TXNRD1: variants seen among roughly 807,000 people sequenced by gnomAD.
TXNRD1 encodes thioredoxin reductase 1, also known as thioredoxin reductase 1, cytoplasmic.
A neutral mutation model predicts 80.3 loss-of-function variants in TXNRD1; 57 were observed. The observed-to-expected ratio is 0.71, with a 90% CI of 0.57 to 0.89. TXNRD1 has a LOEUF of 0.89. Among genes scored for constraint, TXNRD1 ranks in the 40% least tolerant of loss-of-function variants. TXNRD1 has a pLI of 0.00. For missense variants in TXNRD1, 730 were observed against 803.0 expected, an observed-to-expected ratio of 0.91 and a Z score of 1.10; for synonymous variants, 291 against 285.2, an observed-to-expected ratio of 1.02 and a Z score of -0.20.
At chr12:104,300,455 A>G (rs547873608) in intron 4 of TXNRD1, among the ~76,000 whole-genome samples, 1 of 152,188 alleles carries the variant, frequency 6.6e-6, no homozygotes, top group Admixed American at 6.5e-5. Context: ...CTTGCTTTCT[A>G]TTCCTGGTCA....
At chr12:104,341,290 T>C (rs997046859) in intron 16 of TXNRD1, among the ~76,000 whole-genome samples, 20 of 152,186 alleles carry the variant, frequency 1.3e-4, no homozygotes, top group African/African-American at 4.6e-4. Context: ...TGATACTTTG[T>C]TTTCCCCAAG....
At chr12:104,280,074 A>AT (rs2033846121) in intron 3 of TXNRD1, among the ~76,000 whole-genome samples, 1 of 151,086 alleles carries the variant, frequency 6.6e-6, no homozygotes, top group African/African-American at 2.4e-5. Context: ...AAAAAAAAAA[A>AT]AAAAAAAAAT....
At chr12:104,301,683 G>A (rs2034631910) in intron 4 of TXNRD1, among the ~76,000 whole-genome samples, 1 of 152,150 alleles carries the variant, frequency 6.6e-6, no homozygotes, top group Admixed American at 6.5e-5. Context: ...TAAGAATATC[G>A]TTCACTGTAA....
intron 1 of TXNRD1, among the ~76,000 whole-genome samples, chr12:104,220,994 G>T (rs921168512): frequency 3.9e-5 from 6 of 152,214 alleles, no homozygotes; most frequent in Non-Finnish European, 7.3e-5. Context: ...CTGGCTGGTT[G>T]TGGTGGCTCA....
chr12:104,314,746 T>TG (rs1478297825), intron 6 of TXNRD1, among the ~76,000 whole-genome samples: 1 of 145,806 alleles, frequency 6.9e-6, no homozygotes, highest in East Asian at 2.0e-4. Context: ...TTCTTTTTTT[T>TG]TTTTTTTTTT....
At chr12:104,265,431 G>A in intron 3 of TXNRD1, 1 of 1,603,940 alleles carries the variant, frequency 6.2e-7, no homozygotes, top group Non-Finnish European at 8.5e-7. Context: ...TCGTCGCCAA[G>A]TCCCGCTTCT....
intron 16 of TXNRD1, among the ~76,000 whole-genome samples, chr12:104,339,709 A>T (rs1260315996): frequency 1.3e-5 from 2 of 152,212 alleles, no homozygotes; most frequent in Non-Finnish European, 2.9e-5. Context: ...CTAGAAATTG[A>T]CCAATCTAGG....
chr12:104,321,006 G>T (rs1480656749), intron 9 of TXNRD1, 85 bp from the exon 10 acceptor site: 3 of 951,162 alleles, frequency 3.2e-6, no homozygotes, highest in African/African-American at 1.7e-5. Flanking sequence ...TCTTGTCAAA[G>T]TAAAAATGTG....
At chr12:104,293,918 C>G (rs952310651) in intron 4 of TXNRD1, among the ~76,000 whole-genome samples, 14 of 152,312 alleles carry the variant, frequency 9.2e-5, no homozygotes, top group African/African-American at 3.4e-4. Flanking sequence ...GGTCATGTGT[C>G]CACTGGACAG....
intron 3 of TXNRD1, among the ~76,000 whole-genome samples, chr12:104,272,757 A>G (rs1593736036): frequency 6.6e-6 from 1 of 151,156 alleles, no homozygotes; most frequent in Non-Finnish European, 1.5e-5. Context: ...GCACCACTGC[A>G]CTCTAGCCTG....
chr12:104,318,327 G>C (rs753933772), intron 7 of TXNRD1, among the ~76,000 whole-genome samples: 1 of 152,124 alleles, frequency 6.6e-6, no homozygotes, highest in Non-Finnish European at 1.5e-5. Context: ...AATTTTTTCC[G>C]TAAAAGGCCA....
intron 2 of TXNRD1, among the ~76,000 whole-genome samples, chr12:104,254,642 A>ATATATATATATATATATATATAT (rs1555207862): frequency 6.7e-5 from 7 of 104,538 alleles, no homozygotes; most frequent in African/African-American, 1.6e-4. Flanking sequence ...AAAAAAAAAA[A>ATATATATATATATATATATATAT]AAATATATAT....
intron 1 of TXNRD1, among the ~76,000 whole-genome samples, chr12:104,228,805 C>T (rs1023793084): frequency 6.6e-6 from 1 of 151,744 alleles, no homozygotes; most frequent in Non-Finnish European, 1.5e-5. Flanking sequence ...CTGCAACCTC[C>T]GCCTCCCGGG....
intron 4 of TXNRD1, among the ~76,000 whole-genome samples, chr12:104,310,940 C>T (rs944120112): frequency 2.6e-5 from 4 of 152,096 alleles, no homozygotes; most frequent in Admixed American, 1.3e-4. Flanking sequence ...TTAAGCTATG[C>T]CCATATTTAC....
intron 2 of TXNRD1, among the ~76,000 whole-genome samples, chr12:104,256,966 A>ATT (rs1593715356): frequency 9.3e-6 from 1 of 107,020 alleles, no homozygotes; most frequent in African/African-American, 3.6e-5. Context: ...ATGAGAATAT[A>ATT]TTTTCTTTTC....
chr12:104,339,119 T>G lies in TXNRD1; in HGVS notation c.1747-20T>G, dbSNP rs1324691765. ...AGAAAAATCAGCTTAATTGCATTAT[T>G]GTATTTTTTTTTGCCTTAGGAACGT... On this transcript the variant is annotated intron_variant, in intron 15 of 16. Transcript: ENST00000525566. The G allele has an allele frequency of 6.2e-7, 1 of 1,613,386 alleles. No individual in the cohort carries two copies. Among genetic ancestry groups the G allele is most frequent in the Non-Finnish European group, 8.5e-7 (1 of 1,179,686 alleles).
intron 10 of TXNRD1, 116 bp from the exon 11 acceptor site, chr12:104,325,221 A>T (rs1172045771): frequency 6.7e-6 from 5 of 741,564 alleles, no homozygotes; most frequent in Middle Eastern, 2.4e-4. Flanking sequence ...GACATAAAAG[A>T]CTTTTCAAGC....
In TXNRD1 at chr12:104,251,656, C is replaced by T. The variant is rs1356178515; in HGVS notation, c.221C>T (p.Ser74Phe). The T allele has an allele frequency of 1.2e-6, 2 of 1,613,930 alleles. No homozygotes were observed. The highest frequency in any genetic ancestry group is 3.3e-5 in the Admixed American group (2 of 60,000). Residue 74 changes from serine to phenylalanine, a missense_variant, in exon 2 of 17, where the codon TCC becomes TTC. Physicochemically the swap from Ser to Phe is radical, Grantham distance 155. Transcript: ENST00000525566. ...CACTCTGTGGTCATCTTCAGTAGGT[C>T]CACATGCACACGCTGTACTGAGGTA... ...DGHSVVIFSR[S>F]TCTRCTEVKK...
chr12:104,287,515 TA>T (rs2034016300), intron 3 of TXNRD1: 1 of 1,595,604 alleles, frequency 6.3e-7, no homozygotes. Flanking sequence ...TTGAGAATAT[TA>T]AGAAAGTATA....
Sources: gnomAD v4.1 joint callset for allele counts (sites outside exome capture counted in the v4.1 genomes callset) on GRCh38, gnomAD v4.1.1 for gene constraint, MANE v1.5 for transcripts, NCBI Gene and HGNC (gene_info 2026-07-23, HGNC 2026-07-21) for gene names.